CDH20: variants seen among roughly 807,000 people sequenced by gnomAD.
CDH20 encodes the protein cadherin 20, also known as cadherin-20.
CDH20 carries 29 observed loss-of-function variants against 74.2 expected under a neutral mutation model. The observed-to-expected ratio is 0.39, with a 90% confidence interval of 0.29 to 0.53. The LOEUF is 0.53. CDH20 is among the 20% of genes least tolerant of loss of function. CDH20 has a pLI of 0.69. For missense variants in CDH20, 988 were observed against 1,048.3 expected (o/e 0.94, Z 0.79); for synonymous variants, 469 against 405.4 (o/e 1.16, Z -1.88).
At chr18:61,378,133 G>C (rs1911307120) in intron 1 of CDH20, among the ~76,000 whole-genome samples, 2 of 152,232 alleles carry the variant, frequency 1.3e-5, no homozygotes, top group South Asian at 4.2e-4. Flanking sequence ...TTCTACCCCA[G>C]GAGCAGATTA....
intron 7 of CDH20, among the ~76,000 whole-genome samples, chr18:61,535,094 T>C (rs1912775333): frequency 1.3e-5 from 2 of 152,092 alleles, no homozygotes; most frequent in African/African-American, 2.4e-5. Context: ...GGCAGGTGGA[T>C]CACTTGAGGT....
intron 6 of CDH20, among the ~76,000 whole-genome samples, chr18:61,511,291 G>A (rs947396406): frequency 6.6e-6 from 1 of 151,758 alleles, no homozygotes; most frequent in Non-Finnish European, 1.5e-5. Flanking sequence ...TTGAGCCCAA[G>A]AGGTCAAGGC....
At chr18:61,540,423 G>A (rs990896024) in intron 9 of CDH20, among the ~76,000 whole-genome samples, 6 of 152,092 alleles carry the variant, frequency 3.9e-5, no homozygotes, top group Non-Finnish European at 1.5e-5. Context: ...GAAGGTTAAT[G>A]GACTCACAGT....
At chr18:61,361,202 G>A (rs916337172) in intron 1 of CDH20, among the ~76,000 whole-genome samples, 6 of 152,286 alleles carry the variant, frequency 3.9e-5, no homozygotes, top group Admixed American at 1.3e-4. Flanking sequence ...GGTTCGCTGC[G>A]TGGTGGTAAC....
intron 6 of CDH20, among the ~76,000 whole-genome samples, chr18:61,508,562 A>G (rs1435147191): frequency 6.6e-6 from 1 of 152,226 alleles, no homozygotes; most frequent in Non-Finnish European, 1.5e-5. Context: ...ATGGAATACT[A>G]CACAGCCATA....
intron 1 of CDH20, among the ~76,000 whole-genome samples, chr18:61,400,786 T>A (rs989101003): frequency 6.6e-6 from 1 of 152,190 alleles, no homozygotes; most frequent in African/African-American, 2.4e-5. Flanking sequence ...GACCATATAA[T>A]AAAGGCTATC....
chr18:61,336,415 C>T (rs1909763294), intron 1 of CDH20, among the ~76,000 whole-genome samples: 1 of 152,224 alleles, frequency 6.6e-6, no homozygotes, highest in Non-Finnish European at 1.5e-5. Context: ...ACCCTCTACC[C>T]TCTCAGACCC....
At chr18:61,344,835 T>C (rs1910063828) in intron 1 of CDH20, among the ~76,000 whole-genome samples, 1 of 152,164 alleles carries the variant, frequency 6.6e-6, no homozygotes, top group Non-Finnish European at 1.5e-5. Context: ...TTCAGAAAAT[T>C]CCAATGGTCA....
intron 1 of CDH20, among the ~76,000 whole-genome samples, chr18:61,474,053 G>C (rs570232711): frequency 6.6e-6 from 1 of 152,260 alleles, no homozygotes; most frequent in South Asian, 2.1e-4. Context: ...GTTTGTAAAA[G>C]ACCCTAAAAT....
chr18:61,542,062 G>A (rs1004906484), intron 9 of CDH20, among the ~76,000 whole-genome samples: 5 of 152,106 alleles, frequency 3.3e-5, no homozygotes, highest in Non-Finnish European at 7.4e-5. Flanking sequence ...TACACAATAC[G>A]CAGGCCAGAT....
At chr18:61,439,779 A>G (rs1194699063) in intron 1 of CDH20, among the ~76,000 whole-genome samples, 1 of 152,170 alleles carries the variant, frequency 6.6e-6, no homozygotes, top group Non-Finnish European at 1.5e-5. Context: ...AAATTATAAA[A>G]CCAAGAGAAA....
chr18:61,344,750 T>A (rs1910061402), intron 1 of CDH20, among the ~76,000 whole-genome samples: 1 of 152,150 alleles, frequency 6.6e-6, no homozygotes, highest in Admixed American at 6.5e-5. Flanking sequence ...TTCTATAAAT[T>A]AGGGAATTAG....
intron 2 of CDH20, among the ~76,000 whole-genome samples, chr18:61,494,200 A>G (rs1036931857): frequency 6.6e-6 from 1 of 152,186 alleles, no homozygotes; most frequent in African/African-American, 2.4e-5. Context: ...CCCAGCTTTC[A>G]TTTACATTGC....
chr18:61,480,621 C>T (rs951240410), intron 1 of CDH20, among the ~76,000 whole-genome samples: 2 of 152,152 alleles, frequency 1.3e-5, no homozygotes, highest in African/African-American at 4.8e-5. Context: ...GGGATGACTT[C>T]GAATAGGATG....
chr18:61,466,004 G>A (rs1909948515), intron 1 of CDH20, among the ~76,000 whole-genome samples: 1 of 151,782 alleles, frequency 6.6e-6, no homozygotes, highest in Non-Finnish European at 1.5e-5. Context: ...AGGCTGCAGT[G>A]AGCCATGATT....
At chr18:61,501,015 GT>G (rs1911364670) in intron 4 of CDH20, among the ~76,000 whole-genome samples, 1 of 152,154 alleles carries the variant, frequency 6.6e-6, no homozygotes, top group African/African-American at 2.4e-5. Flanking sequence ...GTGGTCTGAT[GT>G]TCTTTCTATT....
At chr18:61,544,304 C>T (rs112565803) in intron 9 of CDH20, among the ~76,000 whole-genome samples, 21 of 152,346 alleles carry the variant, frequency 1.4e-4, no homozygotes, top group African/African-American at 4.1e-4. Context: ...CCCAAGTGGG[C>T]GTGTGTTACA....
rs1215590005 is a variant in CDH20 at position 61,527,111 on chromosome 18, T to C, written c.1018-856T>C. ...AGAAGAATCGCTTTAACTTGGGAGG[T>C]GGAGGTTGCAATGAGCTGAGATCAC... is the stretch of plus-strand genomic sequence containing the variant. On this transcript the variant is annotated intron_variant, in intron 6 of 11. Coordinates refer to ENST00000262717, the MANE Select transcript of CDH20 (RefSeq NM_031891.4). 4.0e-5 allele frequency among the ~76,000 whole-genome samples: 6 copies of C among 151,848 alleles called. No homozygotes were observed. In the South Asian group the frequency reaches 6.2e-4, roughly 16 times the overall value.
intron 6 of CDH20, among the ~76,000 whole-genome samples, chr18:61,525,791 C>T (rs1402562734): frequency 1.3e-5 from 2 of 151,906 alleles, no homozygotes; most frequent in Non-Finnish European, 2.9e-5. Context: ...AAAATATGTA[C>T]ATCTATTATG....
Sources: allele counts gnomAD v4.1 joint callset (sites outside exome capture counted in the v4.1 genomes callset), GRCh38; gene constraint gnomAD v4.1.1; transcripts MANE v1.5; gene names NCBI Gene and HGNC (gene_info 2026-07-23, HGNC 2026-07-21).